The following ARNT2 variants were observed in gnomAD, a reference collection of about 807,000 sequenced individuals.
ARNT2 encodes the protein aryl hydrocarbon receptor nuclear translocator 2.
In ARNT2, 36 loss-of-function variants were observed where a neutral mutation model predicts 91.7. That is an observed-to-expected ratio of 0.39 (90% CI 0.30 to 0.52). The LOEUF (loss-of-function observed/expected upper bound fraction) is 0.52. Ranked by LOEUF, ARNT2 falls within the 20% of genes least tolerant of loss-of-function variation. The pLI, the probability that ARNT2 is intolerant of heterozygous loss-of-function variation, is 0.72. For synonymous variants in ARNT2, 365 were observed against 347.1 expected, an observed-to-expected ratio of 1.05 and a Z score of -0.57; for missense variants, 775 against 939.3, an observed-to-expected ratio of 0.83 and a Z score of 2.29.
At position 80,551,222 on chromosome 15, in the gene ARNT2, G is replaced by A. The variant is rs368247532; in HGVS notation, c.901G>A (p.Ala301Thr). The part of the protein sequence containing the change: ...PAGMTIPEED[A>T]DVGQGSKYCL... ...AGGAATGACCATACCTGAAGAAGAC[G>A]CTGATGTGGGACAAGGCAGTAAATA... Residue 301 changes from alanine to threonine, a missense_variant, in exon 9 of 19, where the codon GCT becomes ACT. Ala to Thr is a moderately conservative substitution (Grantham distance 58). Around this residue, in one of 5 missense-constraint regions of ARNT2, gnomAD observed 285 missense variants for 327.2 expected, o/e 0.87. Coordinates refer to ENST00000303329, the MANE Select transcript of ARNT2 (RefSeq NM_014862.4). 29 of 1,613,856 alleles carry A rather than the reference G, an allele frequency of 1.8e-5. No individual in the cohort carries two copies. In the African/African-American group the frequency reaches 1.9e-4, roughly 10 times the overall value.
chr15:80,533,505 T>C (rs1268841331), intron 8 of ARNT2, among the ~76,000 whole-genome samples: 2 of 152,060 alleles, frequency 1.3e-5, no homozygotes, highest in Non-Finnish European at 2.9e-5. Flanking sequence ...CAAAACTGGT[T>C]GGGTGGCAGA....
At chr15:80,505,924 G>GTTTTTTTTTTTTTTTTTTTTTTTTTTTT (rs1486880107) in intron 5 of ARNT2, among the ~76,000 whole-genome samples, 9 of 71,196 alleles carry the variant, frequency 1.3e-4, no homozygotes, top group African/African-American at 5.9e-4. Flanking sequence ...CCCAACATTT[G>GTTTTTTTTTTTTTTTTTTTTTTTTTTTT]TTGTTTTTTT....
chr15:80,516,263 A>G (rs1897433101), intron 8 of ARNT2, among the ~76,000 whole-genome samples: 2 of 152,336 alleles, frequency 1.3e-5, no homozygotes, highest in South Asian at 2.1e-4. Flanking sequence ...TGCCTGCTCA[A>G]TGTAGCAATT....
At chr15:80,417,199 A>G (rs1207714101) in intron 1 of ARNT2, among the ~76,000 whole-genome samples, 3 of 152,228 alleles carry the variant, frequency 2.0e-5, no homozygotes, top group African/African-American at 7.2e-5. Flanking sequence ...AGTTGCTCAC[A>G]TGGAATGCCT....
chr15:80,455,946 C>T (rs757081918), intron 2 of ARNT2, among the ~76,000 whole-genome samples: 6 of 152,122 alleles, frequency 3.9e-5, no homozygotes, highest in Non-Finnish European at 8.8e-5. Flanking sequence ...GTTAAATAAC[C>T]TTCATGTGGA....
At chr15:80,585,141 C>G (rs557830920) in intron 17 of ARNT2, among the ~76,000 whole-genome samples, 1 of 152,198 alleles carries the variant, frequency 6.6e-6, no homozygotes, top group Admixed American at 6.5e-5. Flanking sequence ...AGACCTTTCA[C>G]GTTATCTTGA....
intron 6 of ARNT2, among the ~76,000 whole-genome samples, chr15:80,511,800 CAGGTGGGAGGGGAAGA>C (rs1400921901): frequency 1.3e-5 from 2 of 151,710 alleles, no homozygotes; most frequent in African/African-American, 4.8e-5. Context: ...AGCAGAGAGG[CAGGTGGGAGGGGAAGA>C]AGAGAGGGCA....
chr15:80,440,360 T>A (rs1251856026), intron 1 of ARNT2, among the ~76,000 whole-genome samples: 1 of 152,236 alleles, frequency 6.6e-6, no homozygotes, highest in African/African-American at 2.4e-5. Flanking sequence ...CAGCAGCCTC[T>A]CCACTTTTCT....
In ARNT2 at chr15:80,512,847, G is replaced by T. The variant is rs141058667; in HGVS notation, c.726-1064G>T. Among the ~76,000 whole-genome samples, 386 of 152,310 alleles carry T rather than the reference G, an allele frequency of 2.5e-3. 1 individual carries two copies. Among genetic ancestry groups the T allele is most frequent in the African/African-American group, 8.8e-3 (364 of 41,562 alleles). Reference sequence around the variant, plus strand: ...CGTGATATTGGTTGCTCTTTGAAGTGCCAGGTCCATACTGCCTGTGTTTAC... The same window carrying T: ...CGTGATATTGGTTGCTCTTTGAAGTTCCAGGTCCATACTGCCTGTGTTTAC... On this transcript the variant is annotated intron_variant, in intron 6 of 18. Transcript: ENST00000303329.
At chr15:80,514,766 G>T (rs111594091) in intron 8 of ARNT2, among the ~76,000 whole-genome samples, 2,292 of 152,150 alleles carry the variant, frequency 0.015, 24 homozygotes, top group East Asian at 0.064. Flanking sequence ...GGCGCCTGTC[G>T]TCCCAGCTAC....
chr15:80,565,309 C>T (rs1489550731), intron 12 of ARNT2, among the ~76,000 whole-genome samples: 1 of 152,142 alleles, frequency 6.6e-6, no homozygotes, highest in African/African-American at 2.4e-5. Flanking sequence ...TGCAATGAAC[C>T]TGCAAGTCCA....
chr15:80,572,956 G>A (rs182926330), intron 12 of ARNT2, among the ~76,000 whole-genome samples: 1 of 152,330 alleles, frequency 6.6e-6, no homozygotes, highest in Admixed American at 6.5e-5. Context: ...AGTCACTCCT[G>A]ATTACAGCCA....
In ARNT2 at chr15:80,404,687, CG is replaced by C. The variant is rs1164429186; in HGVS notation, c.31+143del. ...GGGTGGTGGAGCGGCTGTCACTACG[CG>C]GCAGCCGCAGCATCAGCACCAGAGC... On this transcript the variant is annotated intron_variant, in intron 1 of 18. Transcript: ENST00000303329. The surrounding 1 kb of genome is among the most constrained non-coding windows in gnomAD (Gnocchi z 5.5). 1 of 431,302 alleles carries C rather than the reference CG, an allele frequency of 2.3e-6. No individual in the cohort carries two copies. The highest frequency in any genetic ancestry group is 1.5e-4 in the East Asian group (1 of 6,656). The allele number at this position is 431,302 out of a possible 1,614,324, so 26.7% of individuals were successfully genotyped here.
At chr15:80,498,243 G>A (rs930242912) in intron 5 of ARNT2, among the ~76,000 whole-genome samples, 8 of 152,132 alleles carry the variant, frequency 5.3e-5, no homozygotes, top group Non-Finnish European at 1.0e-4. Flanking sequence ...AGGGGCTGTT[G>A]GATCATTGCC....
At chr15:80,578,126 G>C (rs1898716660) in intron 15 of ARNT2, among the ~76,000 whole-genome samples, 1 of 152,210 alleles carries the variant, frequency 6.6e-6, no homozygotes, top group Non-Finnish European at 1.5e-5. Context: ...ATGTTCATGG[G>C]GTCCTTGTGA....
In ARNT2 at chr15:80,498,012, C is replaced by T. The variant is rs576931108; in HGVS notation, c.623-10144C>T. Among the ~76,000 whole-genome samples, 8 of 152,272 alleles carry T rather than the reference C, an allele frequency of 5.3e-5. No individual in the cohort carries two copies. In the South Asian group the frequency reaches 1.7e-3, roughly 32 times the overall value. ...AACTGTGTTCCTAGTGTCGTGGTGG[C>T]CCTGGTGAAGTTCAGGCCAGAACAG... On this transcript the variant is annotated intron_variant, in intron 5 of 18. Coordinates refer to ENST00000303329, the MANE Select transcript of ARNT2 (RefSeq NM_014862.4).
chr15:80,500,101 A>G (rs1035633551), intron 5 of ARNT2, among the ~76,000 whole-genome samples: 2 of 152,222 alleles, frequency 1.3e-5, no homozygotes, highest in African/African-American at 4.8e-5. Flanking sequence ...TCCCAGGTTC[A>G]CTGACACAGC....
intron 5 of ARNT2, among the ~76,000 whole-genome samples, chr15:80,497,839 A>G (rs73489390): frequency 0.011 from 1,726 of 152,350 alleles, 27 homozygotes; most frequent in African/African-American, 0.04. Context: ...TTTACTCAGC[A>G]AGTGAGGAAG....
chr15:80,407,935 C>T (rs1895623837), intron 1 of ARNT2, among the ~76,000 whole-genome samples: 1 of 152,156 alleles, frequency 6.6e-6, no homozygotes, highest in Admixed American at 6.5e-5. Context: ...GACCAGTAAT[C>T]ATTAGGAATT....
Sources: allele counts gnomAD v4.1 joint callset (sites outside exome capture counted in the v4.1 genomes callset), GRCh38; gene constraint gnomAD v4.1.1; regional missense constraint gnomAD v4.1.1; non-coding constraint Gnocchi (gnomAD v3.1); transcripts MANE v1.5; gene names NCBI Gene and HGNC (gene_info 2026-07-23, HGNC 2026-07-21).